PHACTR1: variants seen among roughly 807,000 people sequenced by gnomAD.
PHACTR1 encodes the protein RPEL repeat containing 1.
In PHACTR1, 16 loss-of-function variants were observed where a neutral mutation model predicts 69.2. The observed-to-expected ratio is 0.23, with a 90% CI of 0.16 to 0.35. The LOEUF (loss-of-function observed/expected upper bound fraction) is 0.35, where lower values mean the gene tolerates loss of function less well. Among genes scored for constraint, PHACTR1 ranks in the 10% least tolerant of loss-of-function variants. PHACTR1 has a pLI of 1.00. For missense variants in PHACTR1, 510 were observed against 734.7 expected (o/e 0.69, Z 3.54); for synonymous variants, 312 against 284.5 (o/e 1.10, Z -0.97).
chr6:13,276,509 C>T (rs549892142), intron 11 of PHACTR1, among the ~76,000 whole-genome samples: 20 of 152,326 alleles, frequency 1.3e-4, no homozygotes, highest in South Asian at 4.1e-4. Context: ...CGGTGGCTCA[C>T]GCCTATAATC....
intron 5 of PHACTR1, among the ~76,000 whole-genome samples, chr6:13,157,914 C>T (rs763589296): frequency 2.0e-5 from 3 of 151,864 alleles, no homozygotes; most frequent in Admixed American, 6.6e-5. Context: ...ACAGAGTCTC[C>T]GTGGGTTGCC....
intron 5 of PHACTR1, among the ~76,000 whole-genome samples, chr6:13,149,089 T>C (rs55855346): frequency 0.94 from 143,681 of 152,252 alleles, 68,204 homozygotes; most frequent in Non-Finnish European, 0.99. Context: ...TACCAGAACA[T>C]TTGATGAAAG....
intron 5 of PHACTR1, among the ~76,000 whole-genome samples, chr6:13,096,955 G>A (rs1228539560): frequency 6.6e-6 from 1 of 152,146 alleles, no homozygotes; most frequent in East Asian, 1.9e-4. Context: ...TAGAAAGGCA[G>A]CATAGTATAA....
intron 5 of PHACTR1, among the ~76,000 whole-genome samples, chr6:13,088,205 T>A (rs1812628228): frequency 6.6e-6 from 1 of 152,132 alleles, no homozygotes; most frequent in Non-Finnish European, 1.5e-5. Flanking sequence ...ATATAATAGA[T>A]TTTAAAAACA....
At chr6:12,815,148 G>A (rs1173797745) in intron 4 of PHACTR1, among the ~76,000 whole-genome samples, 1 of 152,178 alleles carries the variant, frequency 6.6e-6, no homozygotes, top group African/African-American at 2.4e-5. Flanking sequence ...CCACCACACT[G>A]TTTGCAGTTT....
intron 4 of PHACTR1, among the ~76,000 whole-genome samples, chr6:13,046,710 A>T (rs1204502590): frequency 6.6e-6 from 1 of 152,042 alleles, no homozygotes; most frequent in Admixed American, 6.6e-5. Context: ...TTTAATGCCC[A>T]ATCTTTGTCC....
At chr6:13,196,475 C>A (rs1488821488) in intron 7 of PHACTR1, 1 of 175,400 alleles carries the variant, frequency 5.7e-6, no homozygotes. Context: ...CGGTGGAGCG[C>A]AGTGGTACAA....
At chr6:13,156,582 A>G (rs1199006981) in intron 5 of PHACTR1, among the ~76,000 whole-genome samples, 1 of 152,228 alleles carries the variant, frequency 6.6e-6, no homozygotes, top group Non-Finnish European at 1.5e-5. Flanking sequence ...CATCTGGCAT[A>G]GTCTGTGCCA....
intron 4 of PHACTR1, among the ~76,000 whole-genome samples, chr6:12,863,858 G>A (rs1010003458): frequency 3.0e-5 from 4 of 132,748 alleles, no homozygotes; most frequent in African/African-American, 8.5e-5. Context: ...ATCCACAGGA[G>A]CAACAATTGC....
chr6:13,178,775 A>T (rs1415649397), intron 6 of PHACTR1, among the ~76,000 whole-genome samples: 1 of 152,204 alleles, frequency 6.6e-6, no homozygotes, highest in Non-Finnish European at 1.5e-5. Context: ...CATAATTTCC[A>T]ACACTCAGTG....
chr6:13,150,045 A>G lies in PHACTR1; in HGVS notation c.416-10159A>G, dbSNP rs545893157. 3.9e-5 allele frequency among the ~76,000 whole-genome samples: 6 copies of G among 152,308 alleles called. No homozygotes were observed. The East Asian group carries it at 5.8e-4, about 15-fold the overall frequency. On this transcript the variant is annotated intron_variant, in intron 5 of 14. Transcript: ENST00000332995. Reference sequence around the variant, plus strand: ...TGAGGATCACTTGGCCTTAGTTGCCAAATATAAAAAGAATTTTCTGGCTGG... The same window carrying G: ...TGAGGATCACTTGGCCTTAGTTGCCGAATATAAAAAGAATTTTCTGGCTGG...
chr6:12,916,046 G>A (rs1392293330), intron 4 of PHACTR1, among the ~76,000 whole-genome samples: 5 of 152,186 alleles, frequency 3.3e-5, no homozygotes, highest in Admixed American at 2.6e-4. Context: ...GGTAATACAT[G>A]GGTATCTCTG....
intron 5 of PHACTR1, among the ~76,000 whole-genome samples, chr6:13,149,875 A>G (rs1263971836): frequency 6.8e-6 from 1 of 146,896 alleles, no homozygotes; most frequent in African/African-American, 2.5e-5. Flanking sequence ...GTGTTAGTGT[A>G]TTTTATATGT....
chr6:12,955,256 T>C (rs1046081622), intron 4 of PHACTR1, among the ~76,000 whole-genome samples: 28 of 147,226 alleles, frequency 1.9e-4, no homozygotes, highest in African/African-American at 6.4e-4. Flanking sequence ...TGGAGTGCAG[T>C]AGTACAGTCG....
At chr6:13,229,848 GC>G (rs1319638568) in intron 9 of PHACTR1, among the ~76,000 whole-genome samples, 188 bp from the exon 10 acceptor site, 3 of 152,184 alleles carry the variant, frequency 2.0e-5, no homozygotes, top group Non-Finnish European at 4.4e-5. Flanking sequence ...CTGTCCATGT[GC>G]CCCACACAGT....
chr6:13,075,228 A>G (rs1810232373), intron 5 of PHACTR1, among the ~76,000 whole-genome samples: 1 of 152,206 alleles, frequency 6.6e-6, no homozygotes, highest in Non-Finnish European at 1.5e-5. Flanking sequence ...ACAAACCCAT[A>G]TGAGATAAGA....
At chr6:12,964,016 C>T (rs946543816) in intron 4 of PHACTR1, among the ~76,000 whole-genome samples, 8 of 152,134 alleles carry the variant, frequency 5.3e-5, no homozygotes, top group South Asian at 4.1e-4. Flanking sequence ...GTATAAATTA[C>T]GAACTCTCTT....
chr6:13,079,565 G>C (rs1811056717), intron 5 of PHACTR1, among the ~76,000 whole-genome samples: 1 of 152,048 alleles, frequency 6.6e-6, no homozygotes, highest in Admixed American at 6.6e-5. Context: ...CACTGGGATT[G>C]CTGGCCAAAG....
chr6:12,857,331 G>T (rs932810177), intron 4 of PHACTR1, among the ~76,000 whole-genome samples: 2 of 152,260 alleles, frequency 1.3e-5, no homozygotes, highest in East Asian at 1.9e-4. Context: ...CAACATTCTC[G>T]TCAGGCGCGG....
Sources: gnomAD v4.1 joint callset for allele counts (sites outside exome capture counted in the v4.1 genomes callset) on GRCh38, gnomAD v4.1.1 for gene constraint, MANE v1.5 for transcripts, NCBI Gene and HGNC (gene_info 2026-07-23, HGNC 2026-07-21) for gene names.